Variants in CNTN4 observed in about 807,000 individuals in gnomAD.
The protein encoded by CNTN4 is contactin-4.
In CNTN4, 77 loss-of-function variants were observed where a neutral mutation model predicts 122.5. That is an observed-to-expected ratio of 0.63 (90% CI 0.52 to 0.76). The LOEUF is 0.76. CNTN4 is among the 30% of genes least tolerant of loss of function. The pLI, the probability that CNTN4 is intolerant of heterozygous loss-of-function variation, is 0.00. For missense variants in CNTN4, 1,256 were observed against 1,259.1 expected (o/e 1.00, Z 0.04); for synonymous variants, 512 against 447.0 (o/e 1.15, Z -1.83).
At chr3:2,866,484 A>T (rs1313254367) in intron 7 of CNTN4, 8 of 1,296,502 alleles carry the variant, frequency 6.2e-6, no homozygotes, top group Non-Finnish European at 7.9e-6. Context: ...ATAAATGCTT[A>T]GCCCTTGACT....
intron 2 of CNTN4, among the ~76,000 whole-genome samples, chr3:2,330,054 C>T (rs187200823): frequency 3.3e-5 from 5 of 152,146 alleles, no homozygotes; most frequent in African/African-American, 1.2e-4. Flanking sequence ...AGTCCTAAAT[C>T]GGGCTCCCCA....
intron 14 of CNTN4, among the ~76,000 whole-genome samples, chr3:3,014,997 G>A (rs2125541723): frequency 1.3e-5 from 2 of 149,974 alleles, no homozygotes; most frequent in Non-Finnish European, 3.0e-5. Context: ...CCAGAGAGTA[G>A]TTCTTCCTTA....
chr3:2,729,873 C>T (rs1161160471), intron 4 of CNTN4, among the ~76,000 whole-genome samples: 1 of 152,148 alleles, frequency 6.6e-6, no homozygotes, highest in African/African-American at 2.4e-5. Flanking sequence ...GAGATCAAGC[C>T]ACTGTACTCC....
intron 4 of CNTN4, among the ~76,000 whole-genome samples, chr3:2,714,907 C>T (rs374902667): frequency 6.6e-6 from 1 of 152,006 alleles, no homozygotes; most frequent in Non-Finnish European, 1.5e-5. Context: ...GGGCCCAGTT[C>T]GAGAGTATTC....
chr3:2,840,655 C>T (rs1160989045), intron 7 of CNTN4, among the ~76,000 whole-genome samples: 4 of 147,218 alleles, frequency 2.7e-5, no homozygotes, highest in African/African-American at 7.5e-5. Context: ...GCCAAGATCA[C>T]ACCACTGCAC....
At chr3:2,754,754 A>G (rs1459965685) in intron 6 of CNTN4, among the ~76,000 whole-genome samples, 1 of 152,052 alleles carries the variant, frequency 6.6e-6, no homozygotes, top group Non-Finnish European at 1.5e-5. Flanking sequence ...TGAAAAAAAA[A>G]AAAAGAAAAG....
intron 13 of CNTN4, among the ~76,000 whole-genome samples, chr3:2,972,976 C>G (rs2125115787): frequency 6.6e-6 from 1 of 151,988 alleles, no homozygotes. Context: ...GGAAAAGGCC[C>G]TTGTAGATTT....
At chr3:2,297,247 G>T (rs761316454) in intron 2 of CNTN4, among the ~76,000 whole-genome samples, 1 of 152,144 alleles carries the variant, frequency 6.6e-6, no homozygotes, top group Non-Finnish European at 1.5e-5. Flanking sequence ...AGAAAGCTTC[G>T]TAATTTACAT....
At chr3:2,759,727 G>T (rs1330770045) in intron 6 of CNTN4, among the ~76,000 whole-genome samples, 3 of 144,362 alleles carry the variant, frequency 2.1e-5, no homozygotes, top group Non-Finnish European at 3.1e-5. Context: ...AAAAAAAAAA[G>T]TATGTTTAAC....
At chr3:2,403,974 A>G (rs1176279961) in intron 3 of CNTN4, among the ~76,000 whole-genome samples, 2 of 152,170 alleles carry the variant, frequency 1.3e-5, no homozygotes, top group African/African-American at 4.8e-5. Flanking sequence ...ATGAGTACAG[A>G]TTGTCCATAT....
At chr3:2,521,352 C>T (rs5846191) in intron 3 of CNTN4, among the ~76,000 whole-genome samples, 1 of 32,640 alleles carries the variant, frequency 3.1e-5, no homozygotes, top group Non-Finnish European at 5.7e-5. Context: ...ATCCCCCCCA[C>T]CCCCCGCAAT....
intron 2 of CNTN4, among the ~76,000 whole-genome samples, chr3:2,304,769 A>G (rs1333099135): frequency 6.6e-6 from 1 of 150,770 alleles, no homozygotes; most frequent in African/African-American, 2.4e-5. Flanking sequence ...ATGGAGACAT[A>G]AATTACAATG....
intron 8 of CNTN4, among the ~76,000 whole-genome samples, chr3:2,880,906 G>T (rs898174032): frequency 2.6e-5 from 4 of 152,156 alleles, no homozygotes; most frequent in African/African-American, 9.7e-5. Flanking sequence ...GTCCCTTCAA[G>T]AATAGGTTGC....
rs1267531676 is a variant in CNTN4, at chr3:2,384,765, T to TGC, written c.-89+45533_-89+45534insCG. Among the ~76,000 whole-genome samples, 217 of 148,472 alleles carry TGC rather than the reference T, an allele frequency of 1.5e-3. 1 individual carries two copies. Among genetic ancestry groups the TGC allele is most frequent in the Admixed American group, 3.8e-3 (56 of 14,864 alleles). ...CCAGTAACAACTCAATGTGTGCGTG[T>TGC]GTGTGTGTGTGTGTGTGTGTGTGTT... is the stretch of plus-strand genomic sequence containing the variant. On this transcript the variant is annotated intron_variant, in intron 3 of 24. Coordinates refer to ENST00000418658, the MANE Select transcript of CNTN4 (RefSeq NM_175607.3).
intron 5 of CNTN4, among the ~76,000 whole-genome samples, chr3:2,738,325 A>G (rs2089264301): frequency 1.3e-5 from 2 of 152,206 alleles, no homozygotes; most frequent in South Asian, 4.1e-4. Flanking sequence ...AAATCAGGAG[A>G]CAGAAGATAA....
At chr3:2,580,777 A>G (rs1299906993) in intron 4 of CNTN4, among the ~76,000 whole-genome samples, 1 of 152,214 alleles carries the variant, frequency 6.6e-6, no homozygotes, top group Non-Finnish European at 1.5e-5. Context: ...TATATGCCAG[A>G]TACAGCACCT....
intron 12 of CNTN4, among the ~76,000 whole-genome samples, chr3:2,916,761 T>C (rs1324514138): frequency 1.6e-4 from 23 of 141,974 alleles, no homozygotes; most frequent in African/African-American, 5.6e-4. Flanking sequence ...GGCTCCTCAC[T>C]TCCCAGTAGG....
chr3:2,315,786 A>G (rs566444055), intron 2 of CNTN4, among the ~76,000 whole-genome samples: 1 of 152,180 alleles, frequency 6.6e-6, no homozygotes, highest in Admixed American at 6.5e-5. Flanking sequence ...GGAGCTATTA[A>G]CTAGAAATTA....
chr3:2,655,134 G>C (rs1262075022), intron 4 of CNTN4, among the ~76,000 whole-genome samples: 4 of 152,114 alleles, frequency 2.6e-5, no homozygotes. Context: ...GATATTTCAA[G>C]GAATTTAGAA....
Sources: gnomAD v4.1 joint callset for allele counts (sites outside exome capture counted in the v4.1 genomes callset) on GRCh38, gnomAD v4.1.1 for gene constraint, MANE v1.5 for transcripts, NCBI Gene and HGNC (gene_info 2026-07-23, HGNC 2026-07-21) for gene names.